Variants in DPP10 observed in about 807,000 individuals in gnomAD.
The protein encoded by DPP10 is dipeptidyl peptidase like 10, also known as inactive dipeptidyl peptidase 10.
A neutral mutation model predicts 120.9 loss-of-function variants in DPP10; 33 were observed. The observed-to-expected ratio is 0.27, with a 90% CI of 0.21 to 0.37. The LOEUF (loss-of-function observed/expected upper bound fraction) is 0.37, where lower values mean the gene tolerates loss of function less well. DPP10 is among the 10% of genes least tolerant of loss of function. The pLI is 1.00. For synonymous variants in DPP10, 337 were observed against 326.1 expected (o/e 1.03, Z -0.36); for missense variants, 816 against 942.8 (o/e 0.87, Z 1.76).
Position 115,509,678 on chromosome 2 carries a change from A to C in DPP10, c.366+10074A>C, listed in dbSNP as rs192997722. On this transcript the variant is annotated intron_variant, in intron 4 of 25. Coordinates refer to ENST00000410059, the MANE Select transcript of DPP10 (RefSeq NM_020868.6). Reference sequence around the variant, plus strand: ...AAGACTCTGTCTCAAAAACAAAATAAAACAAAAGAACACAAAACAAAACAA... The same window carrying C: ...AAGACTCTGTCTCAAAAACAAAATACAACAAAAGAACACAAAACAAAACAA... Among the ~76,000 whole-genome samples, 528 of 152,282 alleles carry C rather than the reference A, an allele frequency of 3.5e-3. 1 individual carries two copies. The highest frequency in any genetic ancestry group is 0.012 in the African/African-American group (491 of 41,554).
chr2:115,810,832 T>A (rs1235242323), intron 19 of DPP10, among the ~76,000 whole-genome samples: 11 of 152,170 alleles, frequency 7.2e-5, no homozygotes, highest in Admixed American at 6.5e-4. Flanking sequence ...AGCAAAATTG[T>A]GTAGAAGGCA....
chr2:115,554,191 A>G (rs1488630018), intron 5 of DPP10, among the ~76,000 whole-genome samples: 1 of 151,884 alleles, frequency 6.6e-6, no homozygotes, highest in African/African-American at 2.4e-5. Context: ...GGCAGTTAAA[A>G]TTGGTCATAA....
chr2:115,812,219 G>A (rs1033312790), intron 19 of DPP10, among the ~76,000 whole-genome samples: 1 of 152,086 alleles, frequency 6.6e-6, no homozygotes, highest in African/African-American at 2.4e-5. Flanking sequence ...TTAATCTTTG[G>A]TACCTGTTCT....
At chr2:115,495,698 T>C (rs1225875113) in intron 3 of DPP10, among the ~76,000 whole-genome samples, 1 of 152,142 alleles carries the variant, frequency 6.6e-6, no homozygotes, top group Non-Finnish European at 1.5e-5. Context: ...ATGGCAGTAA[T>C]GATAGTTAGG....
intron 3 of DPP10, among the ~76,000 whole-genome samples, chr2:115,424,320 A>C (rs1206373597): frequency 6.6e-6 from 1 of 152,090 alleles, no homozygotes; most frequent in Non-Finnish European, 1.5e-5. Context: ...GAAAATACTT[A>C]CTAATGTACA....
intron 1 of DPP10, among the ~76,000 whole-genome samples, chr2:114,702,449 T>C (rs1700442008): frequency 1.3e-5 from 2 of 151,976 alleles, no homozygotes; most frequent in South Asian, 4.1e-4. Flanking sequence ...TGGGTGGCCA[T>C]TGCTCTCTGG....
Position 115,760,033 on chromosome 2 carries a change from C to CA in DPP10, c.1075-2530dup, listed in dbSNP as rs199841053. 9.1e-3 allele frequency among the ~76,000 whole-genome samples: 1,369 copies of CA among 149,772 alleles called. 14 individuals carry two copies. Among genetic ancestry groups the CA allele is most frequent in the Non-Finnish European group, 0.014 (946 of 67,242 alleles). On this transcript the variant is annotated intron_variant, in intron 11 of 25. Coordinates refer to ENST00000410059, the MANE Select transcript of DPP10 (RefSeq NM_020868.6). ...ACAAAAAAAAAATACAAAAAACAAA[C>CA]AAAAAAAAACCCATACATTATAATT...
intron 1 of DPP10, among the ~76,000 whole-genome samples, chr2:114,941,613 A>G (rs764485839): frequency 3.3e-5 from 5 of 152,230 alleles, no homozygotes; most frequent in Non-Finnish European, 5.9e-5. Flanking sequence ...GGAATAATAT[A>G]GTTCAGTGAT....
At chr2:114,676,052 A>G (rs575094763) in intron 1 of DPP10, among the ~76,000 whole-genome samples, 6 of 152,224 alleles carry the variant, frequency 3.9e-5, no homozygotes, top group African/African-American at 1.4e-4. Flanking sequence ...CGCCCACCTC[A>G]GCTTCCCAAA....
intron 1 of DPP10, among the ~76,000 whole-genome samples, chr2:114,498,266 C>T (rs1005552210): frequency 2.0e-5 from 3 of 152,144 alleles, no homozygotes; most frequent in Admixed American, 6.5e-5. Context: ...ACTTATTCTT[C>T]TGCCTGTCCT....
rs566724793 is a variant in DPP10, at chr2:114,685,842, C to T, written c.60+243004C>T. On this transcript the variant is annotated intron_variant, in intron 1 of 25. Coordinates refer to ENST00000410059, the MANE Select transcript of DPP10 (RefSeq NM_020868.6). The stretch of plus-strand genomic sequence containing the variant: ...CGTGTGATCACAGAAGTTTCCTATC[C>T]GGTCTTCTTGCTTACACTGTTGGAT... Among the ~76,000 whole-genome samples, 10 of 152,044 alleles carry T rather than the reference C, an allele frequency of 6.6e-5. No homozygotes were observed. The South Asian group carries it at 1.0e-3, about 16-fold the overall frequency.
chr2:115,703,210 T>TTTA (rs567393076), intron 7 of DPP10, among the ~76,000 whole-genome samples: 3 of 151,758 alleles, frequency 2.0e-5, no homozygotes, highest in Non-Finnish European at 4.4e-5. Context: ...TTTAAATTTA[T>TTTA]TTATTATTAT....
chr2:115,247,832 C>T (rs4353659), intron 1 of DPP10, among the ~76,000 whole-genome samples: 120,740 of 152,128 alleles, frequency 0.79, 48,145 homozygotes, highest in East Asian at 0.89. Context: ...GCAAAGACAA[C>T]ACAACAAACC....
intron 1 of DPP10, among the ~76,000 whole-genome samples, chr2:114,599,898 T>G (rs1417377537): frequency 6.6e-6 from 1 of 151,730 alleles, no homozygotes. Context: ...ATTAACATGT[T>G]TCAGTGTAAT....
chr2:114,597,265 A>G (rs1018335009), intron 1 of DPP10, among the ~76,000 whole-genome samples: 60 of 152,076 alleles, frequency 3.9e-4, no homozygotes, highest in African/African-American at 1.4e-3. Flanking sequence ...TAACAGATAC[A>G]TAGGGGAATG....
Position 114,779,382 on chromosome 2 carries a change from A to G in DPP10, c.60+336544A>G, listed in dbSNP as rs549055892. Among the ~76,000 whole-genome samples the G allele has an allele frequency of 4.9e-4, 74 of 152,248 alleles. 1 individual carries two copies. The highest frequency in any genetic ancestry group is 3.4e-3 in the Middle Eastern group (1 of 294). Reference sequence around the variant, plus strand: ...GTTCAGTATGGCTTTTATTATTAACAGAACAAGAGCCAGCTCCCTGAGAGC... The same window carrying G: ...GTTCAGTATGGCTTTTATTATTAACGGAACAAGAGCCAGCTCCCTGAGAGC... On this transcript the variant is annotated intron_variant, in intron 1 of 25. Transcript: ENST00000410059.
At chr2:115,326,082 AC>A (rs1489694327) in intron 2 of DPP10, among the ~76,000 whole-genome samples, 2 of 152,246 alleles carry the variant, frequency 1.3e-5, no homozygotes, top group Non-Finnish European at 2.9e-5. Context: ...AAAGACTCTT[AC>A]CCACGTCTAC....
At chr2:115,361,070 G>A (rs2064734136) in intron 3 of DPP10, among the ~76,000 whole-genome samples, 1 of 152,146 alleles carries the variant, frequency 6.6e-6, no homozygotes, top group South Asian at 2.1e-4. Flanking sequence ...GTTAGGTGCT[G>A]CAGGGCATGG....
intron 1 of DPP10, among the ~76,000 whole-genome samples, chr2:115,200,579 A>G (rs909100008): frequency 6.6e-6 from 1 of 152,224 alleles, no homozygotes; most frequent in Non-Finnish European, 1.5e-5. Flanking sequence ...TATTTCCCTA[A>G]GCAGGCACAG....
Sources: allele counts gnomAD v4.1 joint callset (sites outside exome capture counted in the v4.1 genomes callset), GRCh38; gene constraint gnomAD v4.1.1; transcripts MANE v1.5; gene names NCBI Gene and HGNC (gene_info 2026-07-23, HGNC 2026-07-21).